CCBE1: variants seen among roughly 807,000 people sequenced by gnomAD.
CCBE1 encodes collagen and calcium binding EGF domains 1.
CCBE1 carries 37 observed loss-of-function variants against 50.0 expected under a neutral mutation model. The observed-to-expected ratio is 0.74, with a 90% CI of 0.57 to 0.97. The LOEUF is 0.97. CCBE1 is among the 50% of genes least tolerant of loss of function. CCBE1 has a pLI of 0.00. For missense variants in CCBE1, 538 were observed against 523.8 expected (o/e 1.03, Z -0.26); for synonymous variants, 234 against 203.7 (o/e 1.15, Z -1.27).
At chr18:59,658,321 TA>T (rs1157998930) in intron 2 of CCBE1, among the ~76,000 whole-genome samples, 73 of 6,424 alleles carry the variant, frequency 0.011, 19 homozygotes, top group African/African-American at 0.025. Context: ...ACCCTGTCTC[TA>T]AAAAAAAAAA....
Position 59,664,661 on chromosome 18 carries a change from C to T in CCBE1, c.212+31968G>A, listed in dbSNP as rs1204462283. ...CCTCATTCTACTGAGGAACTGCTGACCCTCTACCGATCTGTCTCAGGAAGA... is the reference window on the plus strand; with the variant it reads ...CCTCATTCTACTGAGGAACTGCTGATCCTCTACCGATCTGTCTCAGGAAGA... On this transcript the variant is annotated intron_variant, in intron 2 of 10. Coordinates refer to ENST00000439986, the MANE Select transcript of CCBE1 (RefSeq NM_133459.4). Among the ~76,000 whole-genome samples, 10 of 152,142 alleles carry T rather than the reference C, an allele frequency of 6.6e-5. No homozygotes were observed. The East Asian group carries it at 1.9e-3, about 29-fold the overall frequency.
chr18:59,692,852 A>G (rs1341219824), intron 2 of CCBE1, among the ~76,000 whole-genome samples: 1 of 150,894 alleles, frequency 6.6e-6, no homozygotes, highest in Non-Finnish European at 1.5e-5. Flanking sequence ...CATCCCTACC[A>G]CTTAGCCTCC....
chr18:59,696,580 C>T, intron 2 of CCBE1, 49 bp downstream of exon 2: 1 of 1,610,546 alleles, frequency 6.2e-7, no homozygotes. Flanking sequence ...GCCTCCCCAG[C>T]CAGCCCCGGT....
intron 2 of CCBE1, among the ~76,000 whole-genome samples, chr18:59,502,045 CA>C (rs1246352618): frequency 1.3e-5 from 2 of 152,202 alleles, no homozygotes; most frequent in East Asian, 3.9e-4. Context: ...GTGATCCTCC[CA>C]CCTCGGCCTC....
intron 2 of CCBE1, among the ~76,000 whole-genome samples, chr18:59,518,450 C>T (rs1221998987): frequency 1.3e-5 from 2 of 152,204 alleles, no homozygotes; most frequent in Non-Finnish European, 1.5e-5. Flanking sequence ...AAGAACAAGC[C>T]ATTCATAAAA....
chr18:59,662,051 T>C (rs1169168136), intron 2 of CCBE1, among the ~76,000 whole-genome samples: 1 of 152,184 alleles, frequency 6.6e-6, no homozygotes, highest in Admixed American at 6.5e-5. Flanking sequence ...TTATCTGGCA[T>C]ATGCACTTTC....
At chr18:59,602,090 A>C (rs913789582) in intron 2 of CCBE1, among the ~76,000 whole-genome samples, 1 of 151,688 alleles carries the variant, frequency 6.6e-6, no homozygotes, top group African/African-American at 2.4e-5. Flanking sequence ...GCAAGAGACC[A>C]TTTGTTATTA....
chr18:59,462,099 T>C (rs1418861106), intron 5 of CCBE1, among the ~76,000 whole-genome samples: 1 of 152,170 alleles, frequency 6.6e-6, no homozygotes, highest in Admixed American at 6.5e-5. Flanking sequence ...ACCAGCAGAA[T>C]GCTCTTGATT....
rs138693834 is a variant in CCBE1, at chr18:59,584,646, A to G, written c.213-104408T>C. On this transcript the variant is annotated intron_variant, in intron 2 of 10. Transcript: ENST00000439986. Reference sequence around the variant, plus strand: ...GAGTTCTTGCGAGATCTGGTTGTCTAAACTGTTTAGCACCTCCCCGTTGTC... The same window carrying G: ...GAGTTCTTGCGAGATCTGGTTGTCTGAACTGTTTAGCACCTCCCCGTTGTC... Among the ~76,000 whole-genome samples, 833 of 152,166 alleles carry G rather than the reference A, an allele frequency of 5.5e-3. 5 individuals are homozygous for G. Among genetic ancestry groups the G allele is most frequent in the Non-Finnish European group, 9.0e-3 (609 of 68,004 alleles).
chr18:59,515,924 G>T (rs925934491), intron 2 of CCBE1, among the ~76,000 whole-genome samples: 1 of 152,160 alleles, frequency 6.6e-6, no homozygotes, highest in Admixed American at 6.5e-5. Flanking sequence ...GAAGAACTGT[G>T]CTTGCCCTAT....
intron 7 of CCBE1, 132 bp downstream of exon 7, chr18:59,447,851 C>A: frequency 7.4e-7 from 1 of 1,353,974 alleles, no homozygotes. Flanking sequence ...GGGTGTGTGG[C>A]AGTCCCATGG....
Position 59,479,068 on chromosome 18 carries a change from G to C in CCBE1, c.265+1118C>G, listed in dbSNP as rs550936986. Among the ~76,000 whole-genome samples, 3 of 152,294 alleles carry C rather than the reference G, an allele frequency of 2.0e-5. No homozygotes were observed. The South Asian group carries it at 6.2e-4, about 32-fold the overall frequency. On this transcript the variant is annotated intron_variant, in intron 3 of 10. Transcript: ENST00000439986. ...ATCTGTTTCTAACTGATCAAAAATG[G>C]TGCTCTATGAGATAATGCAACAGAA...
chr18:59,454,394 AC>A (rs1361887314), intron 6 of CCBE1, among the ~76,000 whole-genome samples: 2 of 152,182 alleles, frequency 1.3e-5, no homozygotes, highest in African/African-American at 4.8e-5. Flanking sequence ...ACAGGTGCCC[AC>A]CACCACACCC....
chr18:59,583,654 C>T (rs1010484080), intron 2 of CCBE1, among the ~76,000 whole-genome samples: 5 of 142,104 alleles, frequency 3.5e-5, no homozygotes, highest in Non-Finnish European at 6.2e-5. Context: ...CACTGCTTTG[C>T]GTGTGTGTGT....
At chr18:59,506,053 G>T (rs1376598351) in intron 2 of CCBE1, among the ~76,000 whole-genome samples, 2 of 152,208 alleles carry the variant, frequency 1.3e-5, no homozygotes, top group Non-Finnish European at 2.9e-5. Flanking sequence ...ACCTCAGAAT[G>T]TGGTCTTATT....
At chr18:59,618,291 A>T (rs766394218) in intron 2 of CCBE1, among the ~76,000 whole-genome samples, 8 of 152,160 alleles carry the variant, frequency 5.3e-5, no homozygotes, top group Admixed American at 1.3e-4. Flanking sequence ...CTATTGAAAA[A>T]AATATTTAAT....
chr18:59,530,488 A>G (rs1050706028), intron 2 of CCBE1, among the ~76,000 whole-genome samples: 9 of 152,142 alleles, frequency 5.9e-5, no homozygotes, highest in African/African-American at 1.7e-4. Flanking sequence ...ACCTCACTCT[A>G]AAGTTCATCA....
intron 2 of CCBE1, among the ~76,000 whole-genome samples, chr18:59,614,260 A>G (rs181632242): frequency 6.6e-6 from 1 of 152,244 alleles, no homozygotes; most frequent in African/African-American, 2.4e-5. Context: ...TCGGTCTCCC[A>G]AAGTGCTGGG....
At chr18:59,441,825 A>G (rs1214981725) in intron 7 of CCBE1, among the ~76,000 whole-genome samples, 4 of 152,250 alleles carry the variant, frequency 2.6e-5, no homozygotes, top group East Asian at 1.9e-4. Flanking sequence ...ACAAAGAGGA[A>G]GATAAAATGA....
Sources: allele counts gnomAD v4.1 joint callset (sites outside exome capture counted in the v4.1 genomes callset), GRCh38; gene constraint gnomAD v4.1.1; transcripts MANE v1.5; gene names NCBI Gene and HGNC (gene_info 2026-07-23, HGNC 2026-07-21).